The following MED13L variants were observed in gnomAD, a reference collection of about 807,000 sequenced individuals.
MED13L encodes the protein mediator of RNA polymerase II transcription subunit 13-like.
In MED13L, 7 loss-of-function variants were observed where a neutral mutation model predicts 220.9. The observed-to-expected ratio is 0.03, with a 90% CI of 0.02 to 0.06. The LOEUF is 0.06. Among genes scored for constraint, MED13L ranks in the 10% least tolerant of loss-of-function variants. The pLI, the probability that MED13L is intolerant of heterozygous loss-of-function variation, is 1.00. For synonymous variants in MED13L, 1,011 were observed against 1,015.2 expected (o/e 1.00, Z 0.08); for missense variants, 1,965 against 2,760.5 (o/e 0.71, Z 6.46).
chr12:116,166,715 C>T (rs1404180955), intron 2 of MED13L, among the ~76,000 whole-genome samples: 1 of 152,146 alleles, frequency 6.6e-6, no homozygotes, highest in African/African-American at 2.4e-5. Flanking sequence ...TTTATTAATA[C>T]CTGCCTCCTA....
Position 115,961,190 on chromosome 12 carries a change from G to A in MED13L, c.*76C>T. The stretch of plus-strand genomic sequence containing the variant: ...CTGAAGAAAAGGATGTGGGTTATTT[G>A]CAGAGTGTAGCAGGTTCCTTGGACT... On this transcript the variant is annotated 3_prime_UTR_variant, in exon 31 of 31. Transcript: ENST00000281928. 3.8e-6 allele frequency: 6 copies of A among 1,565,792 alleles called. No homozygotes were observed. Among genetic ancestry groups the A allele is most frequent in the Non-Finnish European group, 5.3e-6 (6 of 1,137,262 alleles).
Position 115,983,540 on chromosome 12 carries a change from G to T in MED13L, c.4532C>A (p.Ala1511Glu). ...AAGCTGCAGAGTGGCTAAATAAGGT[G>T]CTGAAAGAATACATGCAAAGAGGTG... The part of the protein sequence containing the change: ...LYAQVCRHHL[A>E]PYLATLQLDS... Residue 1511 changes from alanine (A) to glutamate (E), a missense_variant and splice_region_variant, in exon 21 of 31, where the codon GCA becomes GAA. Ala to Glu is a moderately radical substitution (Grantham distance 107, BLOSUM62 -1). Coordinates refer to ENST00000281928, the MANE Select transcript of MED13L (RefSeq NM_015335.5). 1 of 1,614,028 alleles carries T rather than the reference G, an allele frequency of 6.2e-7. No individual in the cohort carries two copies. Among genetic ancestry groups the T allele is most frequent in the Non-Finnish European group, 8.5e-7 (1 of 1,179,984 alleles).
At chr12:115,986,675 G>T (rs979853989) in intron 18 of MED13L, among the ~76,000 whole-genome samples, 186 bp from the exon 19 acceptor site, 13 of 151,918 alleles carry the variant, frequency 8.6e-5, no homozygotes, top group African/African-American at 3.2e-4. Context: ...TCTTAATTAA[G>T]TAAGTCAGAA....
intron 19 of MED13L, among the ~76,000 whole-genome samples, chr12:115,984,892 AC>A (rs1877582208): frequency 6.6e-6 from 1 of 151,912 alleles, no homozygotes; most frequent in African/African-American, 2.4e-5. Flanking sequence ...AGTAAATAGG[AC>A]AAGGAGATTC....
intron 1 of MED13L, among the ~76,000 whole-genome samples, chr12:116,273,773 C>T (rs1197779355): frequency 6.6e-6 from 1 of 152,198 alleles, no homozygotes; most frequent in Non-Finnish European, 1.5e-5. Context: ...ATCACTCCCT[C>T]ATATCAAAGA....
chr12:116,276,868 T>C (rs1052602866), intron 1 of MED13L, 192 bp downstream of exon 1: 6 of 973,604 alleles, frequency 6.2e-6, no homozygotes, highest in African/African-American at 1.6e-5. Flanking sequence ...AAGAGCCAAA[T>C]AAACACTGGA....
At chr12:116,273,467 G>C (rs1012778735) in intron 1 of MED13L, among the ~76,000 whole-genome samples, 4 of 150,852 alleles carry the variant, frequency 2.7e-5, no homozygotes, top group African/African-American at 9.8e-5. Context: ...CCATTTTATA[G>C]TCCACCCTAT....
chr12:116,249,730 T>C (rs1185776591), intron 1 of MED13L, among the ~76,000 whole-genome samples: 1 of 27,962 alleles, frequency 3.6e-5, no homozygotes, highest in African/African-American at 1.6e-4. Flanking sequence ...ATTAAGTACC[T>C]ACCCAAAAAA....
chr12:116,220,507 T>C (rs1883247330), intron 2 of MED13L, among the ~76,000 whole-genome samples: 1 of 152,156 alleles, frequency 6.6e-6, no homozygotes. Context: ...AAGACCAGCC[T>C]GGCCATTATG....
intron 2 of MED13L, among the ~76,000 whole-genome samples, chr12:116,155,315 TG>T (rs1002706077): frequency 2.0e-5 from 3 of 152,000 alleles, no homozygotes; most frequent in African/African-American, 4.8e-5. Flanking sequence ...CCCAGCTACT[TG>T]GGAAACTGAG....
At chr12:115,965,815 G>A (rs910870088) in intron 29 of MED13L, among the ~76,000 whole-genome samples, 1 of 152,082 alleles carries the variant, frequency 6.6e-6, no homozygotes, top group Admixed American at 6.5e-5. Flanking sequence ...TGAACCCCAT[G>A]CATCCATCCT....
chr12:116,227,062 T>C (rs761834163), intron 2 of MED13L, among the ~76,000 whole-genome samples: 1 of 151,990 alleles, frequency 6.6e-6, no homozygotes, highest in Non-Finnish European at 1.5e-5. Flanking sequence ...GTGGAAACCA[T>C]CTGTAATTAC....
chr12:116,081,948 GAATAC>G (rs1273075607), intron 4 of MED13L, among the ~76,000 whole-genome samples: 1 of 152,164 alleles, frequency 6.6e-6, no homozygotes, highest in Non-Finnish European at 1.5e-5. Context: ...GATGATCTAT[GAATAC>G]ATTTTTTTTT....
intron 29 of MED13L, among the ~76,000 whole-genome samples, chr12:115,965,226 A>G (rs1235891590): frequency 6.6e-6 from 1 of 152,236 alleles, no homozygotes; most frequent in East Asian, 1.9e-4. Flanking sequence ...ATGATTACAT[A>G]GAAATGGTCT....
At chr12:116,065,293 T>C (rs971914718) in intron 4 of MED13L, among the ~76,000 whole-genome samples, 4 of 152,108 alleles carry the variant, frequency 2.6e-5, no homozygotes, top group Non-Finnish European at 5.9e-5. Flanking sequence ...AAAATAATGT[T>C]TACATGTATG....
chr12:116,087,605 C>T (rs1004743740), intron 4 of MED13L, among the ~76,000 whole-genome samples: 1 of 152,186 alleles, frequency 6.6e-6, no homozygotes, highest in Non-Finnish European at 1.5e-5. Flanking sequence ...CACTACGAAT[C>T]AAACAGGCAG....
chr12:116,049,713 T>C (rs989266303), intron 4 of MED13L, among the ~76,000 whole-genome samples: 4 of 152,166 alleles, frequency 2.6e-5, no homozygotes, highest in Non-Finnish European at 2.9e-5. Flanking sequence ...GCCCAAAATA[T>C]TCAAACAATT....
intron 2 of MED13L, among the ~76,000 whole-genome samples, chr12:116,165,062 G>T (rs1879148406): frequency 1.3e-5 from 2 of 152,034 alleles, no homozygotes; most frequent in Admixed American, 6.6e-5. Flanking sequence ...ACCTGCTTTT[G>T]GATTATGAGT....
chr12:116,256,983 A>G (rs1179834663), intron 1 of MED13L, among the ~76,000 whole-genome samples: 3 of 152,102 alleles, frequency 2.0e-5, no homozygotes, highest in Non-Finnish European at 2.9e-5. Context: ...CCCAAAACAA[A>G]CTACTTTTAA....
Sources: allele counts gnomAD v4.1 joint callset (sites outside exome capture counted in the v4.1 genomes callset), GRCh38; gene constraint gnomAD v4.1.1; transcripts MANE v1.5; gene names NCBI Gene and HGNC (gene_info 2026-07-23, HGNC 2026-07-21).